CD72: variants seen among roughly 807,000 people sequenced by gnomAD.
The protein encoded by CD72 is B-cell differentiation antigen CD72.
In CD72, 28 loss-of-function variants were observed where a neutral mutation model predicts 50.7. The ratio of observed to expected loss-of-function variants is 0.55; its 90% confidence interval spans 0.41 to 0.76. The LOEUF (loss-of-function observed/expected upper bound fraction) is 0.76, where lower values mean the gene tolerates loss of function less well. CD72 is among the 30% of genes least tolerant of loss of function. The pLI, the probability that CD72 is intolerant of heterozygous loss-of-function variation, is 0.00. For missense variants in CD72, 403 were observed against 420.6 expected (o/e 0.96, Z 0.37); for synonymous variants, 176 against 171.2 (o/e 1.03, Z -0.22).
chr9:35,625,441 C>T (rs370216561), intron 1 of CD72, among the ~76,000 whole-genome samples: 27 of 152,134 alleles, frequency 1.8e-4, no homozygotes, highest in African/African-American at 6.5e-4. Flanking sequence ...AGGTTGGTTC[C>T]TGAGGTTTAA....
At chr9:35,623,633 G>A (rs183726483), upstream of CD72, among the ~76,000 whole-genome samples, 188 of 152,236 alleles carry the variant, frequency 1.2e-3, 1 homozygote, top group Admixed American at 2.7e-3. Context: ...ATTAGCAAGC[G>A]AGGCCTGGCG....
intron 1 of CD72, among the ~76,000 whole-genome samples, chr9:35,641,830 T>G (rs930681389): frequency 6.6e-6 from 1 of 152,234 alleles, no homozygotes; most frequent in Admixed American, 6.5e-5. Context: ...TTTAGGTTTC[T>G]GTACAGCCAA....
intron 1 of CD72, among the ~76,000 whole-genome samples, chr9:35,624,618 C>T (rs898825843): frequency 3.3e-5 from 5 of 152,108 alleles, no homozygotes; most frequent in East Asian, 3.9e-4. Flanking sequence ...TAGGAATGTC[C>T]AGGCACACCT....
At chr9:35,626,807 G>T (rs1315593431) in intron 1 of CD72, among the ~76,000 whole-genome samples, 1 of 151,954 alleles carries the variant, frequency 6.6e-6, no homozygotes, top group East Asian at 1.9e-4. Flanking sequence ...TGTTTTTTAA[G>T]GTATAATGCT....
intron 5 of CD72, among the ~76,000 whole-genome samples, chr9:35,614,738 C>T (rs1168288116): frequency 2.6e-5 from 4 of 152,032 alleles, no homozygotes; most frequent in African/African-American, 4.8e-5. Flanking sequence ...CGGTGGCTCA[C>T]GACTGTAATC....
chr9:35,610,490 T>C, intron 8 of CD72, 112 bp downstream of exon 8: 1 of 575,280 alleles, frequency 1.7e-6, no homozygotes, highest in South Asian at 2.2e-5. Context: ...GGAGGAACTT[T>C]CATCCCAGGT....
intron 1 of CD72, among the ~76,000 whole-genome samples, chr9:35,628,042 C>T (rs1030853937): frequency 3.3e-5 from 5 of 152,098 alleles, no homozygotes; most frequent in Non-Finnish European, 7.4e-5. Flanking sequence ...GCTATGTCGA[C>T]CAGGCTGGCC....
chr9:35,624,861 T>C (rs1823181921), intron 1 of CD72, among the ~76,000 whole-genome samples: 1 of 152,238 alleles, frequency 6.6e-6, no homozygotes, highest in African/African-American at 2.4e-5. Context: ...GATGTTAATA[T>C]TGTCATTGTT....
chr9:35,612,177 A>G (rs1822996296), intron 6 of CD72, among the ~76,000 whole-genome samples: 1 of 152,178 alleles, frequency 6.6e-6, no homozygotes, highest in Non-Finnish European at 1.5e-5. Flanking sequence ...CCAAGGAACT[A>G]ATCCCTACAA....
chr9:35,645,076 G>C (rs1823375813), intron 1 of CD72, among the ~76,000 whole-genome samples: 1 of 147,014 alleles, frequency 6.8e-6, no homozygotes, highest in Admixed American at 6.8e-5. Flanking sequence ...GAGCATGCCT[G>C]TATTCCCAGC....
At position 35,616,144 on chromosome 9, in the gene CD72, C is replaced by G. The variant is rs1210753657; in HGVS notation, c.487G>C (p.Glu163Gln). The stretch of plus-strand genomic sequence containing the variant: ...AGTGCTTCCTGACTCTGCGCCAGCT[C>G]TCTCCTGGACCCCTGCAGATCCTCT... ...SAEDLQGSRRELAQSQEALQV... is the reference protein window; with the variant it reads ...SAEDLQGSRRQLAQSQEALQV... Residue 163 changes from glutamate (E) to glutamine (Q), a missense_variant, in exon 5 of 9, where the codon GAG (glutamate) becomes CAG (glutamine). Physicochemically the swap from Glu to Gln is conservative, Grantham distance 29. Transcript: ENST00000259633. 19 of 1,614,192 alleles carry G rather than the reference C, an allele frequency of 1.2e-5. No homozygotes were observed. The highest frequency in any genetic ancestry group is 1.6e-5 in the Non-Finnish European group (19 of 1,180,048).
At chr9:35,627,228 G>A (rs540900786) in intron 1 of CD72, among the ~76,000 whole-genome samples, 8 of 151,374 alleles carry the variant, frequency 5.3e-5, no homozygotes, top group Non-Finnish European at 1.0e-4. Context: ...GGGTTCAAGC[G>A]ATTCTCCTGT....
Position 35,617,188 on chromosome 9 carries a change from G to A in CD72, c.250C>T (p.Arg84Trp). 1 of 1,565,688 alleles carries A rather than the reference G, an allele frequency of 6.4e-7. No individual in the cohort carries two copies. The change falls in exon 3 of 9, where the codon CGG becomes TGG. Residue 84 changes from arginine to tryptophan, a missense_variant. By Grantham distance (101) the Arg-to-Trp change is moderately radical. Coordinates refer to ENST00000259633, the MANE Select transcript of CD72 (RefSeq NM_001782.3). ...WRAVTSPAVGRILPCRTTCLR... is the reference protein window; with the variant it reads ...WRAVTSPAVGWILPCRTTCLR... Reference sequence around the variant, plus strand: ...CAGGCACACTCACAGGGGAGAATCCGCCCGACAGCTGGTGACGTCACGGCT... The same window carrying A: ...CAGGCACACTCACAGGGGAGAATCCACCCGACAGCTGGTGACGTCACGGCT...
rs565386465 is a variant in CD72, at chr9:35,631,918, T to A, written n.409-13797A>T. 3.6e-3 allele frequency among the ~76,000 whole-genome samples: 543 copies of A among 151,014 alleles called. 2 individuals carry two copies. The highest frequency in any genetic ancestry group is 0.012 in the African/African-American group (497 of 41,388). On this transcript the variant is annotated intron_variant and non_coding_transcript_variant, in intron 1 of 3. Coordinates refer to the CD72 transcript ENST00000465754. ...AAATAAATAAATAAATAAATAAAAA[T>A]AAATAAATGGCATAGAAATTATTAT...
intron 1 of CD72, among the ~76,000 whole-genome samples, chr9:35,641,608 C>T (rs1422135224): frequency 6.6e-6 from 1 of 152,134 alleles, no homozygotes; most frequent in East Asian, 1.9e-4. Context: ...GAAACTATGT[C>T]TTCTTGAGGT....
intron 1 of CD72, among the ~76,000 whole-genome samples, chr9:35,640,683 A>G (rs1823331327): frequency 6.6e-6 from 1 of 152,258 alleles, no homozygotes; most frequent in South Asian, 2.1e-4. Flanking sequence ...GGTCTGCGAC[A>G]GTGGCAAACA....
Position 35,616,141 on chromosome 9 carries a change from G to C in CD72, c.490C>G (p.Leu164Val). 1.9e-6 allele frequency: 3 copies of C among 1,614,102 alleles called. No homozygotes were observed. Among genetic ancestry groups the C allele is most frequent in the Non-Finnish European group, 2.5e-6 (3 of 1,180,032 alleles). ...TGTAGTGCTTCCTGACTCTGCGCCAGCTCTCTCCTGGACCCCTGCAGATCC... is the reference window on the plus strand; with the variant it reads ...TGTAGTGCTTCCTGACTCTGCGCCACCTCTCTCCTGGACCCCTGCAGATCC... The part of the protein sequence containing the change: ...AEDLQGSRRE[L>V]AQSQEALQVE... Residue 164 changes from leucine (L) to valine (V), a missense_variant, in exon 5 of 9, where the codon CTG becomes GTG. Physicochemically the swap from Leu to Val is conservative, Grantham distance 32 (BLOSUM62 1). Transcript: ENST00000259633.
intron 7 of CD72, among the ~76,000 whole-genome samples, 173 bp downstream of exon 7, chr9:35,611,631 T>A (rs548350324): frequency 6.6e-6 from 1 of 152,140 alleles, no homozygotes; most frequent in Non-Finnish European, 1.5e-5. Flanking sequence ...GAATGGAGAA[T>A]AAGATTGCCC....
chr9:35,611,725 T>G (rs1822987781), intron 7 of CD72, 79 bp downstream of exon 7: 2 of 790,086 alleles, frequency 2.5e-6, no homozygotes, highest in Admixed American at 3.7e-5. Context: ...GGGGACCAGG[T>G]GGGAAGGAAA....
Sources: allele counts gnomAD v4.1 joint callset (sites outside exome capture counted in the v4.1 genomes callset), GRCh38; gene constraint gnomAD v4.1.1; transcripts MANE v1.5; gene names NCBI Gene and HGNC (gene_info 2026-07-23, HGNC 2026-07-21).